Variants in LPAR1 observed in about 807,000 individuals in gnomAD.
LPAR1 encodes LPA receptor 1.
In LPAR1, 5 loss-of-function variants were observed where a neutral mutation model predicts 23.8. That is an observed-to-expected ratio of 0.21 (90% confidence interval 0.11 to 0.44). LPAR1 has a LOEUF of 0.44. LPAR1 is among the 20% of genes least tolerant of loss of function. LPAR1 has a pLI of 0.99. For missense variants in LPAR1, 311 were observed against 482.8 expected (o/e 0.64, Z 3.33); for synonymous variants, 160 against 164.7 (o/e 0.97, Z 0.22).
At chr9:110,974,154 G>A (rs999439510) in intron 2 of LPAR1, among the ~76,000 whole-genome samples, 5 of 61,298 alleles carry the variant, frequency 8.2e-5, no homozygotes, top group Admixed American at 1.9e-4. Context: ...GCAAGACTCC[G>A]TCTCAAAAAA....
chr9:110,930,313 C>G (rs901896828), intron 5 of LPAR1, among the ~76,000 whole-genome samples: 3 of 151,806 alleles, frequency 2.0e-5, no homozygotes, highest in Admixed American at 1.3e-4. Context: ...ATTGAGAGTT[C>G]GATACCACCC....
intron 5 of LPAR1, among the ~76,000 whole-genome samples, chr9:110,937,345 G>A (rs948486168): frequency 5.3e-5 from 8 of 152,106 alleles, no homozygotes; most frequent in Admixed American, 2.6e-4. Context: ...TGATTAAAGG[G>A]AAGTAGAATA....
chr9:110,913,324 T>C (rs781462509), intron 5 of LPAR1, among the ~76,000 whole-genome samples: 1 of 152,180 alleles, frequency 6.6e-6, no homozygotes, highest in Non-Finnish European at 1.5e-5. Flanking sequence ...ATCTGTTAGA[T>C]TAAATACAGG....
At chr9:110,987,629 A>G (rs1186769970) in intron 2 of LPAR1, among the ~76,000 whole-genome samples, 1 of 150,996 alleles carries the variant, frequency 6.6e-6, no homozygotes, top group Non-Finnish European at 1.5e-5. Flanking sequence ...AGGAGAACCC[A>G]TTGGGCAGTT....
At chr9:110,937,688 A>G (rs1197209112) in intron 5 of LPAR1, among the ~76,000 whole-genome samples, 1 of 152,254 alleles carries the variant, frequency 6.6e-6, no homozygotes, top group Non-Finnish European at 1.5e-5. Flanking sequence ...AAAACCAGCC[A>G]TTGGTATTGC....
At chr9:110,931,592 T>C (rs1209653113) in intron 5 of LPAR1, among the ~76,000 whole-genome samples, 2 of 152,256 alleles carry the variant, frequency 1.3e-5, no homozygotes, top group African/African-American at 2.4e-5. Context: ...ATGAAGTCCT[T>C]GCCCATGCCT....
At chr9:110,995,544 G>A (rs1292537998) in intron 2 of LPAR1, among the ~76,000 whole-genome samples, 1 of 152,042 alleles carries the variant, frequency 6.6e-6, no homozygotes, top group Admixed American at 6.6e-5. Context: ...AAATATAGAG[G>A]GGAATCTAAA....
intron 5 of LPAR1, among the ~76,000 whole-genome samples, chr9:110,892,822 A>AGGCAGGCAGGC (rs1564386259): frequency 6.4e-4 from 55 of 86,244 alleles, no homozygotes; most frequent in Middle Eastern, 5.6e-3. Context: ...GGAAGGAAGG[A>AGGCAGGCAGGC]AGGAAGGCAG....
intron 2 of LPAR1, among the ~76,000 whole-genome samples, chr9:111,005,701 G>C (rs752615284): frequency 2.3e-4 from 35 of 151,950 alleles, no homozygotes; most frequent in Non-Finnish European, 4.1e-4. Context: ...AAACTACCTG[G>C]AGTTCCTAGA....
In LPAR1 at chr9:110,881,238, T is replaced by C. The variant is rs536547473; in HGVS notation, c.794-5516A>G. On this transcript the variant is annotated intron_variant, in intron 5 of 5. Transcript: ENST00000683809. ...ATTCCTTCCTGGTCACAGCACATGT[T>C]GCATACATTTAAAGTTTCATGATTT... 1.1e-3 allele frequency among the ~76,000 whole-genome samples: 170 copies of C among 152,310 alleles called. 1 individual carries two copies. Among genetic ancestry groups the C allele is most frequent in the Middle Eastern group, 3.4e-3 (1 of 294 alleles).
intron 5 of LPAR1, among the ~76,000 whole-genome samples, chr9:110,936,103 C>T (rs188215690): frequency 6.4e-4 from 97 of 152,306 alleles, no homozygotes; most frequent in African/African-American, 1.9e-3. Flanking sequence ...TCACTCCACT[C>T]GTCATCACTC....
rs1428777368 is a variant in LPAR1, at chr9:110,873,379, A to G, written c.*2042T>C. On this transcript the variant is annotated 3_prime_UTR_variant, in exon 6 of 6. Coordinates refer to ENST00000683809, the MANE Select transcript of LPAR1 (RefSeq NM_001351411.2). ...GTCCACGTTCATTTCTTTCACTTCC[A>G]ATATAAAGTATTCTGTATTTTGTAT... The G allele has an allele frequency of 6.6e-6, 1 of 152,218 alleles. No homozygotes were observed. The highest frequency in any genetic ancestry group is 1.5e-5 in the Non-Finnish European group (1 of 68,046). The allele number at this position is 152,218 out of a possible 1,614,324, so 9.4% of individuals were successfully genotyped here.
rs539814338 is a variant in LPAR1, at chr9:110,924,273, T to C, written c.793+17148A>G. On this transcript the variant is annotated intron_variant, in intron 5 of 5. Transcript: ENST00000683809. ...AAAGAAAACGTAAATGTCTAATGAT[T>C]ATATATTTCATCATATGAATGTACT... Among the ~76,000 whole-genome samples, 16 of 151,664 alleles carry C rather than the reference T, an allele frequency of 1.1e-4. No homozygotes were observed. The South Asian group carries it at 3.3e-3, about 32-fold the overall frequency.
intron 5 of LPAR1, among the ~76,000 whole-genome samples, chr9:110,900,897 A>G (rs760103259): frequency 7.2e-5 from 11 of 152,208 alleles, no homozygotes; most frequent in Non-Finnish European, 1.5e-4. Flanking sequence ...ATTTTTGCTC[A>G]TATGTGCCAA....
chr9:110,956,580 C>A (rs1347811744), intron 4 of LPAR1, among the ~76,000 whole-genome samples: 1 of 149,972 alleles, frequency 6.7e-6, no homozygotes, highest in Non-Finnish European at 1.5e-5. Context: ...AAAAGACAAC[C>A]CAAATATAAT....
intron 2 of LPAR1, among the ~76,000 whole-genome samples, chr9:111,013,246 C>T (rs1222106388): frequency 6.6e-5 from 10 of 152,188 alleles, no homozygotes; most frequent in East Asian, 1.9e-4. Flanking sequence ...TAAATACACA[C>T]GCAAACTACA....
At chr9:110,894,903 A>T (rs2085778392) in intron 5 of LPAR1, among the ~76,000 whole-genome samples, 1 of 152,014 alleles carries the variant, frequency 6.6e-6, no homozygotes. Context: ...CACATGTCCC[A>T]ACGACATGGG....
chr9:111,006,573 A>C (rs1043346834), intron 2 of LPAR1, among the ~76,000 whole-genome samples: 4 of 152,120 alleles, frequency 2.6e-5, no homozygotes, highest in African/African-American at 7.2e-5. Context: ...TCAACACACA[A>C]AAAAAATCCC....
intron 5 of LPAR1, among the ~76,000 whole-genome samples, chr9:110,910,576 A>AG (rs1235154559): frequency 5.1e-4 from 78 of 152,332 alleles, no homozygotes; most frequent in African/African-American, 1.9e-3. Context: ...TATATTTTGT[A>AG]AAGCTAGAGC....
Sources: gnomAD v4.1 joint callset for allele counts (sites outside exome capture counted in the v4.1 genomes callset) on GRCh38, gnomAD v4.1.1 for gene constraint, MANE v1.5 for transcripts, NCBI Gene and HGNC (gene_info 2026-07-23, HGNC 2026-07-21) for gene names.